TMEM132D: variants seen among roughly 807,000 people sequenced by gnomAD.
The protein encoded by TMEM132D is mature OL transmembrane protein.
In TMEM132D, 21 loss-of-function variants were observed where a neutral mutation model predicts 62.3. The observed-to-expected ratio is 0.34, with a 90% CI of 0.24 to 0.49. TMEM132D has a LOEUF of 0.49. Among genes scored for constraint, TMEM132D ranks in the 20% least tolerant of loss-of-function variants. The pLI, the probability that TMEM132D is intolerant of heterozygous loss-of-function variation, is 0.99. For missense variants in TMEM132D, 1,346 were observed against 1,402.8 expected, an observed-to-expected ratio of 0.96 and a Z score of 0.65; for synonymous variants, 621 against 575.6, an observed-to-expected ratio of 1.08 and a Z score of -1.13.
rs115034330 is a variant in TMEM132D at position 129,218,361 on chromosome 12, T to A, written c.1300-8698A>T. On this transcript the variant is annotated intron_variant, in intron 4 of 8. Transcript: ENST00000422113. Reference sequence around the variant, plus strand: ...CGTTGTGTGAACATCATAGAGTATATTCCACAAACCTAGAAGGCAGAGCAT... The same window carrying A: ...CGTTGTGTGAACATCATAGAGTATAATCCACAAACCTAGAAGGCAGAGCAT... Among the ~76,000 whole-genome samples the A allele has an allele frequency of 4.0e-3, 606 of 152,294 alleles. 3 individuals are homozygous for A. The highest frequency in any genetic ancestry group is 0.013 in the African/African-American group (558 of 41,572).
At chr12:129,415,879 G>C (rs531887005) in intron 3 of TMEM132D, among the ~76,000 whole-genome samples, 6 of 152,160 alleles carry the variant, frequency 3.9e-5, no homozygotes, top group South Asian at 2.1e-4. Context: ...TTCTCCTTTG[G>C]GGAGTTCAGA....
chr12:129,734,618 A>T (rs1202812139), intron 1 of TMEM132D, among the ~76,000 whole-genome samples: 1 of 152,210 alleles, frequency 6.6e-6, no homozygotes, highest in East Asian at 1.9e-4. Context: ...CTGAGGTCTT[A>T]TATTAGTTGG....
intron 5 of TMEM132D, chr12:129,208,504 T>C (rs545876890): frequency 1.3e-5 from 2 of 152,406 alleles, no homozygotes; most frequent in East Asian, 3.9e-4. Flanking sequence ...GAACAGTACC[T>C]AGCACTTAGT....
At chr12:129,198,753 A>G (rs1235684738) in intron 5 of TMEM132D, among the ~76,000 whole-genome samples, 1 of 152,224 alleles carries the variant, frequency 6.6e-6, no homozygotes, top group Non-Finnish European at 1.5e-5. Context: ...AGTATATTGT[A>G]CATTTCAAAA....
intron 1 of TMEM132D, among the ~76,000 whole-genome samples, chr12:129,725,139 G>A (rs754623553): frequency 5.3e-5 from 8 of 152,234 alleles, no homozygotes; most frequent in Middle Eastern, 3.4e-3. Context: ...CTGTGGAATC[G>A]ACCATGATTA....
intron 4 of TMEM132D, among the ~76,000 whole-genome samples, chr12:129,296,359 A>G (rs1156920836): frequency 6.6e-6 from 1 of 152,218 alleles, no homozygotes; most frequent in Non-Finnish European, 1.5e-5. Context: ...AAAAACAAGT[A>G]TTTTAATATA....
intron 2 of TMEM132D, among the ~76,000 whole-genome samples, chr12:129,603,881 G>A (rs1878546829): frequency 6.6e-6 from 1 of 152,128 alleles, no homozygotes; most frequent in African/African-American, 2.4e-5. Flanking sequence ...TATATTTACT[G>A]CAGCACTATT....
intron 3 of TMEM132D, among the ~76,000 whole-genome samples, chr12:129,505,109 T>C (rs1393048144): frequency 1.3e-5 from 2 of 152,214 alleles, no homozygotes; most frequent in Non-Finnish European, 2.9e-5. Context: ...CTTAAGTTTA[T>C]TGAGGCTTGT....
At chr12:129,084,449 C>A in intron 6 of TMEM132D, 48 bp downstream of exon 6, 1 of 1,534,192 alleles carries the variant, frequency 6.5e-7, no homozygotes, top group African/African-American at 1.4e-5. Context: ...TTTACCACCC[C>A]GTACACTTCC....
chr12:129,163,495 G>A (rs1460323056), intron 5 of TMEM132D, among the ~76,000 whole-genome samples: 2 of 152,180 alleles, frequency 1.3e-5, no homozygotes, highest in Non-Finnish European at 2.9e-5. Flanking sequence ...GCCACTGGAA[G>A]GCATTGACAG....
intron 1 of TMEM132D, among the ~76,000 whole-genome samples, chr12:129,774,596 A>T (rs1272603549): frequency 6.6e-6 from 1 of 152,220 alleles, no homozygotes; most frequent in Admixed American, 6.5e-5. Context: ...TAGAGACTCC[A>T]AATATAAGAC....
At chr12:129,894,806 G>A (rs1217835211) in intron 1 of TMEM132D, among the ~76,000 whole-genome samples, 6 of 151,586 alleles carry the variant, frequency 4.0e-5, no homozygotes, top group East Asian at 3.9e-4. Context: ...ATTTTCATAC[G>A]AATCTCCAAG....
chr12:129,697,479 G>T (rs1424885529), intron 2 of TMEM132D, among the ~76,000 whole-genome samples: 4 of 152,182 alleles, frequency 2.6e-5, no homozygotes, highest in African/African-American at 9.6e-5. Flanking sequence ...TAAGTATGCA[G>T]CAAGCACATT....
At chr12:129,828,146 G>A (rs771619368) in intron 1 of TMEM132D, among the ~76,000 whole-genome samples, 11 of 152,140 alleles carry the variant, frequency 7.2e-5, no homozygotes, top group Admixed American at 1.3e-4. Flanking sequence ...GCTAAGCAGG[G>A]GGCCTGGGAC....
chr12:129,073,907 T>C lies in TMEM132D; in HGVS notation c.3268A>G (p.Asn1090Asp). ...LDPGDCKELH[N>D]YMERLHENV ...TTTTCATGTAACCTCTCCATGTAGT[T>C]GTGCAGCTCTTTGCAGTCCCCAGGG... Residue 1090 changes from asparagine to aspartate, a missense_variant, in exon 9 of 9, where the codon AAC (asparagine) becomes GAC (aspartate). Coordinates refer to ENST00000422113, the MANE Select transcript of TMEM132D (RefSeq NM_133448.3). The C allele has an allele frequency of 6.4e-7, 1 of 1,561,286 alleles. No individual in the cohort carries two copies. The highest frequency in any genetic ancestry group is 8.7e-7 in the Non-Finnish European group (1 of 1,155,800).
At chr12:129,564,918 G>A (rs1285717181) in intron 2 of TMEM132D, among the ~76,000 whole-genome samples, 53 of 152,154 alleles carry the variant, frequency 3.5e-4, no homozygotes, top group Non-Finnish European at 1.0e-4. Flanking sequence ...AGATGACTAG[G>A]TATGAGAAAA....
At chr12:129,289,715 T>A (rs1478505043) in intron 4 of TMEM132D, among the ~76,000 whole-genome samples, 2 of 152,194 alleles carry the variant, frequency 1.3e-5, no homozygotes, top group Non-Finnish European at 2.9e-5. Flanking sequence ...TGGTTAGTGC[T>A]GATTAAATAT....
At chr12:129,246,363 C>T (rs900251745) in intron 4 of TMEM132D, among the ~76,000 whole-genome samples, 3 of 152,164 alleles carry the variant, frequency 2.0e-5, no homozygotes, top group African/African-American at 7.2e-5. Flanking sequence ...GCACCACGGC[C>T]GCTCTGCTTT....
At chr12:129,693,722 T>C (rs1367889298) in intron 2 of TMEM132D, among the ~76,000 whole-genome samples, 3 of 152,150 alleles carry the variant, frequency 2.0e-5, no homozygotes, top group African/African-American at 7.2e-5. Flanking sequence ...ATTTCCCCTG[T>C]AGAGAGCATG....
Sources: allele counts gnomAD v4.1 joint callset (sites outside exome capture counted in the v4.1 genomes callset), GRCh38; gene constraint gnomAD v4.1.1; transcripts MANE v1.5; gene names NCBI Gene and HGNC (gene_info 2026-07-23, HGNC 2026-07-21).